The following C19orf47 variants were observed in gnomAD, a reference collection of about 807,000 sequenced individuals.
The protein encoded by C19orf47 is chromosome 19 open reading frame 47.
C19orf47 carries 18 observed loss-of-function variants against 32.3 expected under a neutral mutation model. That is an observed-to-expected ratio of 0.56 (90% CI 0.39 to 0.83). C19orf47 has a LOEUF of 0.83. C19orf47 is among the 40% of genes least tolerant of loss of function. C19orf47 has a pLI of 0.00. For synonymous variants in C19orf47, 202 were observed against 211.1 expected, an observed-to-expected ratio of 0.96 and a Z score of 0.37; for missense variants, 484 against 531.6, an observed-to-expected ratio of 0.91 and a Z score of 0.88.
In C19orf47 at chr19:40,347,856, C is replaced by G. The variant is rs982416948; in HGVS notation, c.-34+468G>C. ...CCTCTGCTTAAAATCTTTACACACA[C>G]AGATTTCATCAGAATCCTCAAGACG... On this transcript the variant is annotated intron_variant, in intron 1 of 8. Transcript: ENST00000683109. Among the ~76,000 whole-genome samples, 17 of 152,108 alleles carry G rather than the reference C, an allele frequency of 1.1e-4. 1 individual carries two copies. The highest frequency in any genetic ancestry group is 4.1e-4 in the African/African-American group (17 of 41,432).
rs181638108 is a variant in C19orf47 at position 40,332,163 on chromosome 19, G to C, written c.301+1688C>G. On this transcript the variant is annotated intron_variant, in intron 5 of 8. Coordinates refer to ENST00000683109, the MANE Select transcript of C19orf47 (RefSeq NM_001256441.2). ...GTTTGAAGTCAAGAGTTCAAGACTA[G>C]CCTGGCAAATGTGGCAAAACTCTGT... Among the ~76,000 whole-genome samples, 6 of 151,362 alleles carry C rather than the reference G, an allele frequency of 4.0e-5. No individual in the cohort carries two copies. In the East Asian group the frequency reaches 1.2e-3, roughly 30 times the overall value.
At chr19:40,302,676 G>T in the C19orf47 span, among the ~76,000 whole-genome samples, 1 of 152,126 alleles carries the variant, frequency 6.6e-6, no homozygotes, top group African/African-American at 2.4e-5. Context: ...AAACTATAGT[G>T]TATCCATTAT....
chr19:40,294,556 A>G, the C19orf47 span, among the ~76,000 whole-genome samples: 1 of 152,162 alleles, frequency 6.6e-6, no homozygotes, highest in Admixed American at 6.6e-5. Context: ...GGGCAAGAAC[A>G]CAGGCCTCAA....
At chr19:40,297,413 A>C in the C19orf47 span, among the ~76,000 whole-genome samples, 1 of 152,048 alleles carries the variant, frequency 6.6e-6, no homozygotes, top group East Asian at 1.9e-4. Context: ...TAAAAATACA[A>C]AAAAGTTAGC....
intron 1 of C19orf47, 107 bp downstream of exon 1, chr19:40,348,217 G>GTT (rs1425138896): frequency 2.9e-6 from 2 of 694,804 alleles, no homozygotes; most frequent in Admixed American, 4.6e-5. Flanking sequence ...GAAACAAATC[G>GTT]TAAGTCCGAA....
In C19orf47 at chr19:40,326,344, CT is replaced by C; in HGVS notation, c.581del (p.Gln194ArgfsTer65). The stretch of plus-strand genomic sequence containing the variant: ...CTGATGGGCCAGTACCTTTTGCAGC[CT>C]GCTGCTGCTCCAGGATCTTGCGGGT... ...PRTRKILEQQ[Q>X]AAKGLHRTSV... On this transcript the variant is annotated frameshift_variant, in exon 7 of 9. Coordinates refer to ENST00000683109, the MANE Select transcript of C19orf47 (RefSeq NM_001256441.2). LOFTEE classifies it high-confidence loss of function. The C allele has an allele frequency of 6.2e-7, 1 of 1,614,170 alleles. No individual in the cohort carries two copies. Among genetic ancestry groups the C allele is most frequent in the South Asian group, 1.1e-5 (1 of 91,082 alleles).
downstream of C19orf47, among the ~76,000 whole-genome samples, chr19:40,318,881 G>A (rs1319412728): frequency 1.3e-5 from 2 of 152,306 alleles, no homozygotes; most frequent in East Asian, 3.9e-4. Flanking sequence ...TGAAAATAAT[G>A]GATTTAGGAA....
Position 40,321,579 on chromosome 19 carries a change from G to A in C19orf47, c.*303C>T, listed in dbSNP as rs1305453435. The A allele has an allele frequency of 1.6e-5, 19 of 1,160,408 alleles. No homozygotes were observed. Among genetic ancestry groups the A allele is most frequent in the Non-Finnish European group, 1.8e-5 (17 of 938,886 alleles). 71.9% of individuals were successfully genotyped at this position (1,160,408 alleles called of 1,614,324 possible). On this transcript the variant is annotated 3_prime_UTR_variant, in exon 9 of 9. Transcript: ENST00000683109. ...GGGGAAGAAGGGGAATGTAGGAGAG[G>A]AAGAAGCCCCCTGGCACTTGGGAGA...
intron 6 of C19orf47, among the ~76,000 whole-genome samples, chr19:40,327,583 A>C (rs749692299): frequency 4.6e-5 from 7 of 152,168 alleles, no homozygotes; most frequent in Non-Finnish European, 7.3e-5. Flanking sequence ...TGGGTGTCAG[A>C]AACATGAAGC....
At chr19:40,301,352 T>TATTC in the C19orf47 span, among the ~76,000 whole-genome samples, 4 of 148,820 alleles carry the variant, frequency 2.7e-5, no homozygotes, top group African/African-American at 5.0e-5. Flanking sequence ...TTTATTTATT[T>TATTC]ATTCTTGAGA....
rs199734650 is a variant in C19orf47 at position 40,333,938 on chromosome 19, A to C, written c.223-9T>G. 14 of 1,555,728 alleles carry C rather than the reference A, an allele frequency of 9.0e-6. No homozygotes were observed. In the East Asian group the frequency reaches 3.3e-4, roughly 37 times the overall value. ...GCAGCTTTGCACATGTCCTGTGAAA[A>C]AAGAACAGGCACCTGGGTCACCACA... On this transcript the variant is annotated splice_polypyrimidine_tract_variant and intron_variant, in intron 4 of 8. Transcript: ENST00000683109.
At chr19:40,328,268 T>C in intron 6 of C19orf47, 145 bp downstream of exon 6, 3 of 1,281,786 alleles carry the variant, frequency 2.3e-6, no homozygotes, top group East Asian at 2.7e-5. Context: ...CTTGACCAAG[T>C]TTACAGAGGT....
downstream of C19orf47, among the ~76,000 whole-genome samples, chr19:40,317,116 AT>A (rs916830176): frequency 1.6e-4 from 24 of 149,540 alleles, no homozygotes; most frequent in Middle Eastern, 3.5e-3. Context: ...TGTATTCTTA[AT>A]TTTTTTTTTT....
intron 2 of C19orf47, among the ~76,000 whole-genome samples, chr19:40,340,008 G>C (rs2078144853): frequency 6.7e-6 from 1 of 149,146 alleles, no homozygotes; most frequent in South Asian, 2.1e-4. Context: ...AAAAAAGAAA[G>C]GTAAGGCAAG....
chr19:40,348,327 G>C lies in C19orf47; in HGVS notation c.-37C>G, dbSNP rs947037829. 7.4e-7 allele frequency: 1 copy of C among 1,351,156 alleles called. No individual in the cohort carries two copies. The highest frequency in any genetic ancestry group is 1.7e-5 in the South Asian group (1 of 59,444). 83.7% of individuals were successfully genotyped at this position (1,351,156 alleles called of 1,614,324 possible). A position where few individuals can be genotyped will look rare whatever the true frequency, so the allele number is the denominator to read the frequency against. On this transcript the variant is annotated 5_prime_UTR_variant, in exon 1 of 9. Coordinates refer to ENST00000683109, the MANE Select transcript of C19orf47 (RefSeq NM_001256441.2). ...CCACCCCCGGCCCGCGCCTCACCTG[G>C]CCCACCGGGCCCGCGCCCACTCGCG...
intron 1 of C19orf47, among the ~76,000 whole-genome samples, chr19:40,344,684 A>T (rs2078239645): frequency 1.3e-5 from 2 of 152,074 alleles, no homozygotes; most frequent in South Asian, 4.1e-4. Context: ...AAAAACCCCG[A>T]CTCATTGAGG....
At chr19:40,311,455 T>A in the C19orf47 span, among the ~76,000 whole-genome samples, 1 of 151,316 alleles carries the variant, frequency 6.6e-6, no homozygotes, top group African/African-American at 2.4e-5. Flanking sequence ...GGTGGGAGGA[T>A]CACTTGACCC....
chr19:40,295,715 C>T, the C19orf47 span, among the ~76,000 whole-genome samples: 1 of 152,062 alleles, frequency 6.6e-6, no homozygotes, highest in East Asian at 1.9e-4. Flanking sequence ...GGATTACATG[C>T]ATGAGCCACC....
At chr19:40,300,015 C>A in the C19orf47 span, among the ~76,000 whole-genome samples, 17 of 151,440 alleles carry the variant, frequency 1.1e-4, no homozygotes, top group Non-Finnish European at 1.6e-4. Flanking sequence ...GGTAACAGAG[C>A]GAAACTCCAT....
Sources: allele counts gnomAD v4.1 joint callset (sites outside exome capture counted in the v4.1 genomes callset), GRCh38; gene constraint gnomAD v4.1.1; transcripts MANE v1.5; gene names NCBI Gene and HGNC (gene_info 2026-07-23, HGNC 2026-07-21).